ADAP2: variants seen among roughly 807,000 people sequenced by gnomAD.
ADAP2 encodes the protein ArfGAP with dual PH domains 2, also known as arf-GAP with dual PH domain-containing protein 2.
Under a neutral mutation model 54.9 loss-of-function variants are expected in ADAP2, and 42 were observed. That is an observed-to-expected ratio of 0.77 (90% CI 0.60 to 0.99). ADAP2 has a LOEUF of 0.99. ADAP2 is among the 50% of genes least tolerant of loss of function. ADAP2 has a pLI of 0.00. For missense variants in ADAP2, 429 were observed against 480.4 expected (o/e 0.89, Z 1.00); for synonymous variants, 177 against 180.1 (o/e 0.98, Z 0.14).
In ADAP2 at chr17:30,934,316, G is replaced by T; in HGVS notation, c.510+19G>T. On this transcript the variant is annotated intron_variant, in intron 5 of 10. Transcript: ENST00000330889. ...GGAACAGGTAAGATGCCAGACCAAT[G>T]AGAGCAGGTCCCTTCCTGAGCACTC... The T allele has an allele frequency of 6.4e-7, 1 of 1,562,578 alleles. No homozygotes were observed. Among genetic ancestry groups the T allele is most frequent in the East Asian group, 2.2e-5 (1 of 44,638 alleles).
At chr17:30,927,614 C>CAA (rs540091821) in intron 3 of ADAP2, among the ~76,000 whole-genome samples, 9 of 112,746 alleles carry the variant, frequency 8.0e-5, no homozygotes, top group African/African-American at 2.7e-4. Context: ...GACTCCGGCT[C>CAA]AAAAAAAAAA....
chr17:30,938,778 G>C (rs1468055797), intron 5 of ADAP2, among the ~76,000 whole-genome samples: 1 of 152,116 alleles, frequency 6.6e-6, no homozygotes, highest in African/African-American at 2.4e-5. Flanking sequence ...GGGAGGAGAA[G>C]GGAGGATGAA....
chr17:30,942,932 G>A (rs956464134), intron 5 of ADAP2, among the ~76,000 whole-genome samples: 11 of 152,228 alleles, frequency 7.2e-5, no homozygotes, highest in Admixed American at 2.0e-4. Flanking sequence ...AAAAGGGAAT[G>A]TTTACACACT....
intron 4 of ADAP2, 110 bp from the exon 5 acceptor site, chr17:30,934,075 T>C: frequency 2.8e-6 from 2 of 726,110 alleles, no homozygotes; most frequent in Non-Finnish European, 2.3e-6. Context: ...TGGAGATACT[T>C]TGGCAGCAGA....
chr17:30,945,879 C>T (rs955325167), intron 6 of ADAP2, among the ~76,000 whole-genome samples: 2 of 149,234 alleles, frequency 1.3e-5, no homozygotes, highest in South Asian at 2.1e-4. Flanking sequence ...AGAGGCCGGG[C>T]GCGGTGGCTC....
At chr17:30,936,622 C>T (rs1234751832) in intron 5 of ADAP2, among the ~76,000 whole-genome samples, 1 of 162 alleles carries the variant, frequency 6.2e-3, no homozygotes, top group Non-Finnish European at 0.014. Flanking sequence ...CTATTCAGAT[C>T]CTTTCCCATA....
chr17:30,954,247 T>G (rs1598058126), intron 8 of ADAP2: 1 of 427,884 alleles, frequency 2.3e-6, no homozygotes. Flanking sequence ...GGCAGCAGGG[T>G]GAAGCTGGCA....
At chr17:30,938,857 G>C (rs542802758) in intron 5 of ADAP2, among the ~76,000 whole-genome samples, 2 of 152,232 alleles carry the variant, frequency 1.3e-5, no homozygotes, top group South Asian at 4.1e-4. Context: ...ATACCAGAGT[G>C]GGGTAACTAT....
At chr17:30,924,871 T>TG (rs1235659707) in intron 2 of ADAP2, among the ~76,000 whole-genome samples, 1 of 151,588 alleles carries the variant, frequency 6.6e-6, no homozygotes, top group African/African-American at 2.4e-5. Flanking sequence ...TTTTTGTTTT[T>TG]TTTGTTTTTT....
At chr17:30,932,037 T>C in intron 4 of ADAP2, 69 bp downstream of exon 4, 1 of 1,443,188 alleles carries the variant, frequency 6.9e-7, no homozygotes, top group East Asian at 2.3e-5. Context: ...AGTGCCTAAA[T>C]ATTAGGAGCA....
rs1419303693 is a variant in ADAP2 at position 30,934,182 on chromosome 17, A to G, written c.398-3A>G. The G allele has an allele frequency of 1.2e-6, 2 of 1,612,518 alleles. No individual in the cohort carries two copies. Among genetic ancestry groups the G allele is most frequent in the Admixed American group, 1.7e-5 (1 of 59,978 alleles). ...TCACGCTTTGTCATCCTTGCTGCTT[A>G]AGGTAACCGAGAAGGATTCCTGTGG... On this transcript the variant is annotated splice_region_variant and splice_polypyrimidine_tract_variant and intron_variant, in intron 4 of 10. Transcript: ENST00000330889.
At chr17:30,948,085 G>T (rs949088363) in intron 6 of ADAP2, among the ~76,000 whole-genome samples, 1 of 152,182 alleles carries the variant, frequency 6.6e-6, no homozygotes, top group Admixed American at 6.6e-5. Context: ...AATGTTTTGC[G>T]TAAAAGGTGT....
At chr17:30,928,199 A>C (rs1187427889) in intron 3 of ADAP2, among the ~76,000 whole-genome samples, 2 of 150,760 alleles carry the variant, frequency 1.3e-5, no homozygotes, top group Non-Finnish European at 3.0e-5. Context: ...TCAAAAAAAA[A>C]AAAAAAAAAA....
At chr17:30,956,188 G>A in intron 9 of ADAP2, 53 bp from the exon 10 acceptor site, 1 of 1,552,020 alleles carries the variant, frequency 6.4e-7, no homozygotes, top group Non-Finnish European at 8.9e-7. Flanking sequence ...AGGGCTGCAG[G>A]GCCCCTCTGC....
At chr17:30,944,140 C>T (rs1567722252) in intron 5 of ADAP2, among the ~76,000 whole-genome samples, 2 of 151,808 alleles carry the variant, frequency 1.3e-5, no homozygotes, top group Non-Finnish European at 2.9e-5. Flanking sequence ...TGCAGTGAGC[C>T]GAGATCACGC....
chr17:30,941,275 T>C (rs1376493555), intron 5 of ADAP2, among the ~76,000 whole-genome samples: 1 of 152,256 alleles, frequency 6.6e-6, no homozygotes, highest in East Asian at 1.9e-4. Context: ...AATTAGGGCA[T>C]GAACAAGATG....
At chr17:30,954,070 G>T (rs1278186021) in intron 8 of ADAP2, among the ~76,000 whole-genome samples, 1 of 152,168 alleles carries the variant, frequency 6.6e-6, no homozygotes, top group African/African-American at 2.4e-5. Context: ...CAGCCCCTCC[G>T]CCTGGTTCTT....
chr17:30,937,490 G>A (rs2142539493), intron 5 of ADAP2, among the ~76,000 whole-genome samples: 1 of 152,334 alleles, frequency 6.6e-6, no homozygotes, highest in South Asian at 2.1e-4. Context: ...CCAAAATGCT[G>A]GGATTATAGG....
At chr17:30,940,494 G>A (rs1450549257) in intron 5 of ADAP2, among the ~76,000 whole-genome samples, 2 of 151,968 alleles carry the variant, frequency 1.3e-5, no homozygotes, top group Non-Finnish European at 1.5e-5. Flanking sequence ...TAGTAGAGAC[G>A]GGGTTTCACC....
Sources: gnomAD v4.1 joint callset for allele counts (sites outside exome capture counted in the v4.1 genomes callset) on GRCh38, gnomAD v4.1.1 for gene constraint, MANE v1.5 for transcripts, NCBI Gene and HGNC (gene_info 2026-07-23, HGNC 2026-07-21) for gene names.